Variants in CEP95 observed in about 807,000 individuals in gnomAD.
CEP95 encodes centrosomal protein 95.
In CEP95, 98 loss-of-function variants were observed where a neutral mutation model predicts 111.2. The observed-to-expected ratio is 0.88, with a 90% CI of 0.75 to 1.04. The LOEUF is 1.04. CEP95 is among the 50% of genes least tolerant of loss of function. The pLI, the probability that CEP95 is intolerant of heterozygous loss-of-function variation, is 0.00. For missense variants in CEP95, 1,027 were observed against 977.2 expected, an observed-to-expected ratio of 1.05 and a Z score of -0.68; for synonymous variants, 323 against 327.1, an observed-to-expected ratio of 0.99 and a Z score of 0.14.
In CEP95 at chr17:64,529,431, C is replaced by G. The variant is rs1438256016; in HGVS notation, c.1446+4C>G. On this transcript the variant is annotated splice_donor_region_variant and intron_variant, in intron 12 of 19. Transcript: ENST00000556440. ...TGTCCGCCAATTCCAAGCACAGGTT[C>G]TTCCCCATCTCTTGACTACCATTAA... The G allele has an allele frequency of 2.5e-6, 4 of 1,613,090 alleles. No individual in the cohort carries two copies. The African/African-American group carries it at 4.0e-5, about 16-fold the overall frequency.
rs80293066 is a variant in CEP95 at position 64,531,526 on chromosome 17, A to G, written c.1540-364A>G. 7.9e-3 allele frequency among the ~76,000 whole-genome samples: 1,198 copies of G among 152,340 alleles called. 17 individuals carry two copies. Among genetic ancestry groups the G allele is most frequent in the Non-Finnish European group, 0.011 (740 of 68,028 alleles). On this transcript the variant is annotated intron_variant, in intron 13 of 19. Transcript: ENST00000556440. ...GTATGGTTACAACTAAGCATACTGCATAGTTGCCTGAGAATTTTTTAAATC... is the reference window on the plus strand; with the variant it reads ...GTATGGTTACAACTAAGCATACTGCGTAGTTGCCTGAGAATTTTTTAAATC...
upstream of CEP95, chr17:64,506,832 A>G (rs2038556762): frequency 1.7e-6 from 1 of 592,750 alleles, no homozygotes; most frequent in Admixed American, 2.9e-5. Context: ...GTGTCTGATA[A>G]TCCTTTGACG....
At chr17:64,509,982 A>C (rs1362334610) in intron 2 of CEP95, among the ~76,000 whole-genome samples, 191 bp from the exon 3 acceptor site, 1 of 152,174 alleles carries the variant, frequency 6.6e-6, no homozygotes, top group Non-Finnish European at 1.5e-5. Flanking sequence ...TTCAATCAAT[A>C]AATACTCAAC....
At position 64,522,720 on chromosome 17, in the gene CEP95, G is replaced by A; in HGVS notation, c.734G>A (p.Ser245Asn). The part of the protein sequence containing the change: ...FVEDTETLSV[S>N]GIPNARKLGE... ...TTACTAGCGGAAACCCTTTCTGTGA[G>A]TGGGATTCCAAATGCTAGGAAGCTA... The change falls in exon 8 of 20, where the codon AGT (serine) becomes AAT (asparagine). Residue 245 changes from serine to asparagine, a missense_variant. Transcript: ENST00000556440. 4 of 1,612,898 alleles carry A rather than the reference G, an allele frequency of 2.5e-6. No individual in the cohort carries two copies. The highest frequency in any genetic ancestry group is 1.1e-5 in the South Asian group (1 of 90,928).
At position 64,527,261 on chromosome 17, in the gene CEP95, C is replaced by G. The variant is rs567425550; in HGVS notation, c.1303C>G (p.Pro435Ala). The part of the protein sequence containing the change: ...IVEYGPKKSR[P>A]GLSMRRKPPY... ...GGAGTATGGGCCAAAGAAGTCAAGG[C>G]CAGGTACTTACCCCAGAGAGACTGA... Residue 435 changes from proline (P) to alanine (A), a missense_variant, in exon 11 of 20, where the codon CCA (proline) becomes GCA (alanine). Coordinates refer to ENST00000556440, the MANE Select transcript of CEP95 (RefSeq NM_138363.3). 1.2e-6 allele frequency: 2 copies of G among 1,608,680 alleles called. No individual in the cohort carries two copies. Among genetic ancestry groups the G allele is most frequent in the East Asian group, 4.5e-5 (2 of 44,712 alleles).
At chr17:64,514,172 AT>A (rs1238759438) in intron 3 of CEP95, 75 bp from the exon 4 acceptor site, 1 of 615,370 alleles carries the variant, frequency 1.6e-6, no homozygotes, top group Admixed American at 2.6e-5. Flanking sequence ...TCACAATGTT[AT>A]ATCCAAGTTT....
At chr17:64,507,357 C>G in intron 1 of CEP95, 1 of 1,418,566 alleles carries the variant, frequency 7.0e-7, no homozygotes, top group East Asian at 2.6e-5. Context: ...CGGTAGGACA[C>G]TTGGGTCCTG....
Position 64,519,291 on chromosome 17 carries a change from G to T in CEP95, c.474-30G>T. 2.0e-6 allele frequency: 3 copies of T among 1,514,394 alleles called. No homozygotes were observed. The South Asian group carries it at 3.4e-5, about 17-fold the overall frequency. The allele number at this position is 1,514,394 out of a possible 1,614,324, so 93.8% of individuals were successfully genotyped here. A position where few individuals can be genotyped will look rare whatever the true frequency, so the allele number is the denominator to read the frequency against. On this transcript the variant is annotated intron_variant, in intron 5 of 19. Coordinates refer to ENST00000556440, the MANE Select transcript of CEP95 (RefSeq NM_138363.3). ...GGGGAAGGGCCCTCTGGTCAGGCTG[G>T]GCCCTGAGTGAAGGAGGGAACTTTT...
chr17:64,507,315 C>G, intron 1 of CEP95, 199 bp downstream of exon 1: 1 of 1,447,022 alleles, frequency 6.9e-7, no homozygotes, highest in Non-Finnish European at 9.1e-7. Flanking sequence ...CAGCAGTATG[C>G]TGTGGGAGAG....
intron 16 of CEP95, chr17:64,534,037 T>G (rs1051835414): frequency 6.6e-6 from 1 of 152,636 alleles, no homozygotes; most frequent in East Asian, 1.9e-4. Flanking sequence ...GGAGTAGAGA[T>G]AAGCCATGAG....
Position 64,508,662 on chromosome 17 carries a change from CTG to C in CEP95, c.93_94del (p.Cys31Ter). On this transcript the variant is annotated frameshift_variant, in exon 2 of 20. Transcript: ENST00000556440. LOFTEE classifies it high-confidence loss of function. ...ATCTGAGAATACATGAACTTCAAGA[CTG>C]TGATGCTAATGTTTTTATTGCTCTT... ...IHLRIHELQD[C>X]DANVFIALYQ... is the part of the protein sequence containing the mutation. 6.8e-7 allele frequency: 1 copy of C among 1,464,350 alleles called. No individual in the cohort carries two copies. Among genetic ancestry groups the C allele is most frequent in the Non-Finnish European group, 9.1e-7 (1 of 1,099,124 alleles). 90.7% of individuals were successfully genotyped at this position (1,464,350 alleles called of 1,614,324 possible).
chr17:64,509,160 T>C (rs2038755247), intron 2 of CEP95, among the ~76,000 whole-genome samples: 1 of 152,224 alleles, frequency 6.6e-6, no homozygotes, highest in Non-Finnish European at 1.5e-5. Flanking sequence ...GAATTGATGC[T>C]TGTAGATGAT....
chr17:64,514,126 G>T, intron 3 of CEP95, 122 bp from the exon 4 acceptor site: 5 of 476,460 alleles, frequency 1.0e-5, no homozygotes, highest in Non-Finnish European at 1.9e-5. Flanking sequence ...GGAGCTGTAA[G>T]TTGGTATGTA....
intron 1 of CEP95, 146 bp from the exon 2 acceptor site, chr17:64,508,446 G>C (rs1243784482): frequency 1.7e-6 from 2 of 1,156,480 alleles, no homozygotes; most frequent in African/African-American, 3.2e-5. Context: ...AAGGGTCTTT[G>C]AAATTCTCTA....
chr17:64,507,040 C>T lies in CEP95; in HGVS notation c.-58C>T, dbSNP rs148985842. ...TCGGGTCTGCGTGGATCGGTCCTTC[C>T]AGGACACCGTCGCCTTCCCGGCCGC... On this transcript the variant is annotated 5_prime_UTR_variant, in exon 1 of 20. Transcript: ENST00000556440. The T allele has an allele frequency of 4.5e-6, 7 of 1,548,558 alleles. No homozygotes were observed. The highest frequency in any genetic ancestry group is 6.1e-6 in the Non-Finnish European group (7 of 1,145,084).
intron 3 of CEP95, among the ~76,000 whole-genome samples, chr17:64,511,492 T>A (rs1472557007): frequency 6.6e-6 from 1 of 152,214 alleles, no homozygotes; most frequent in Non-Finnish European, 1.5e-5. Flanking sequence ...ATGGCTCTGT[T>A]CCGCCCGGCT....
intron 7 of CEP95, among the ~76,000 whole-genome samples, chr17:64,522,086 C>T (rs1370168838): frequency 6.6e-6 from 1 of 151,918 alleles, no homozygotes; most frequent in Admixed American, 6.6e-5. Context: ...CTCATGACCT[C>T]GTGATCCGCC....
chr17:64,508,785 GT>G, intron 2 of CEP95, 65 bp downstream of exon 2: 2 of 728,406 alleles, frequency 2.7e-6, no homozygotes, highest in Non-Finnish European at 3.9e-6. Context: ...TAGTCCTTTA[GT>G]TAGATTCTTT....
intron 16 of CEP95, 27 bp downstream of exon 16, chr17:64,533,218 T>A: frequency 6.5e-7 from 1 of 1,546,748 alleles, no homozygotes; most frequent in East Asian, 2.2e-5. Context: ...TTGGGTATTA[T>A]AATTCTGAAT....
Sources: gnomAD v4.1 joint callset for allele counts (sites outside exome capture counted in the v4.1 genomes callset) on GRCh38, gnomAD v4.1.1 for gene constraint, MANE v1.5 for transcripts, NCBI Gene and HGNC (gene_info 2026-07-23, HGNC 2026-07-21) for gene names.